The following DNM3 variants were observed in gnomAD, a reference collection of about 807,000 sequenced individuals.
DNM3 encodes the protein dynamin-3.
DNM3 carries 47 observed loss-of-function variants against 101.6 expected under a neutral mutation model. That is an observed-to-expected ratio of 0.46 (90% CI 0.37 to 0.59). DNM3 has a LOEUF of 0.59. Among genes scored for constraint, DNM3 ranks in the 20% least tolerant of loss-of-function variants. The pLI, the probability that DNM3 is intolerant of heterozygous loss-of-function variation, is 0.00. For synonymous variants in DNM3, 385 were observed against 387.9 expected (o/e 0.99, Z 0.09); for missense variants, 849 against 1,085.7 (o/e 0.78, Z 3.06).
intron 15 of DNM3, among the ~76,000 whole-genome samples, chr1:172,288,414 A>C (rs2063780386): frequency 1.3e-5 from 2 of 152,200 alleles, no homozygotes; most frequent in African/African-American, 4.8e-5. Flanking sequence ...GGCAAGAATC[A>C]GGGGCCAGAT....
intron 1 of DNM3, among the ~76,000 whole-genome samples, chr1:171,883,541 G>A (rs993328770): frequency 4.0e-5 from 6 of 151,022 alleles, no homozygotes; most frequent in African/African-American, 1.5e-4. Context: ...GCGCGATCTC[G>A]GCTCACTGCA....
chr1:172,084,264 T>C (rs2053370652), intron 12 of DNM3, among the ~76,000 whole-genome samples: 1 of 152,102 alleles, frequency 6.6e-6, no homozygotes, highest in South Asian at 2.1e-4. Context: ...AAAACTATGG[T>C]GTAGTCTATA....
chr1:171,942,578 T>C (rs545727139), intron 2 of DNM3, among the ~76,000 whole-genome samples: 192 of 152,260 alleles, frequency 1.3e-3, no homozygotes, highest in Non-Finnish European at 2.1e-3. Flanking sequence ...ACCAGACACA[T>C]ATTGAACGAA....
At chr1:172,252,343 A>G (rs1370891802) in intron 14 of DNM3, among the ~76,000 whole-genome samples, 2 of 152,130 alleles carry the variant, frequency 1.3e-5, no homozygotes, top group East Asian at 1.9e-4. Context: ...GATACTCCCT[A>G]CAATACAACA....
At chr1:172,365,939 A>T (rs1558048879) in intron 17 of DNM3, among the ~76,000 whole-genome samples, 1 of 151,994 alleles carries the variant, frequency 6.6e-6, no homozygotes, top group African/African-American at 2.4e-5. Flanking sequence ...ATACATTCAG[A>T]CATGCTAGTG....
chr1:172,311,674 A>T (rs1377665598), intron 16 of DNM3, among the ~76,000 whole-genome samples: 1 of 152,244 alleles, frequency 6.6e-6, no homozygotes, highest in Admixed American at 6.5e-5. Context: ...TCCATCTCCC[A>T]GTAAACTGGC....
chr1:172,048,962 A>G (rs902053115), intron 10 of DNM3, among the ~76,000 whole-genome samples: 3 of 152,184 alleles, frequency 2.0e-5, no homozygotes, highest in African/African-American at 4.8e-5. Context: ...TGGTTTAGAA[A>G]GAGTATATTT....
chr1:172,387,015 G>A, intron 18 of DNM3, 118 bp from the exon 19 acceptor site: 1 of 762,028 alleles, frequency 1.3e-6, no homozygotes, highest in Non-Finnish European at 2.2e-6. Flanking sequence ...TTTTCCCAGG[G>A]TGGACTTTGG....
intron 4 of DNM3, among the ~76,000 whole-genome samples, chr1:172,016,332 A>T (rs1016124235): frequency 1.2e-4 from 18 of 151,906 alleles, no homozygotes; most frequent in Middle Eastern, 3.2e-3. Flanking sequence ...AATTTTGTCA[A>T]TTTTTTCTGC....
intron 4 of DNM3, among the ~76,000 whole-genome samples, chr1:172,009,587 A>G (rs2046978132): frequency 1.3e-5 from 2 of 151,850 alleles, no homozygotes; most frequent in African/African-American, 4.8e-5. Flanking sequence ...ACATATGGTC[A>G]ATGTCTTGGA....
chr1:172,226,393 C>A (rs1573021367), intron 14 of DNM3, among the ~76,000 whole-genome samples: 1 of 152,266 alleles, frequency 6.6e-6, no homozygotes, highest in Non-Finnish European at 1.5e-5. Flanking sequence ...TTAACTATAA[C>A]TTATTTTTAA....
intron 12 of DNM3, among the ~76,000 whole-genome samples, chr1:172,084,444 A>G (rs1268111591): frequency 1.3e-5 from 2 of 152,106 alleles, no homozygotes; most frequent in Non-Finnish European, 2.9e-5. Context: ...TGCTAATATC[A>G]TTATCTCTAA....
At chr1:172,354,106 T>A (rs1482212336) in intron 17 of DNM3, among the ~76,000 whole-genome samples, 28 of 26,466 alleles carry the variant, frequency 1.1e-3, no homozygotes, top group African/African-American at 2.7e-3. Context: ...TGTGTGTGTG[T>A]GTGTGTGAGA....
chr1:172,041,780 A>G (rs1398369976), intron 7 of DNM3, among the ~76,000 whole-genome samples: 3 of 152,214 alleles, frequency 2.0e-5, no homozygotes, highest in African/African-American at 7.2e-5. Flanking sequence ...AGGCATTGAA[A>G]GACAACTATA....
intron 4 of DNM3, among the ~76,000 whole-genome samples, chr1:172,021,183 A>G (rs2047826414): frequency 6.6e-6 from 1 of 152,238 alleles, no homozygotes; most frequent in African/African-American, 2.4e-5. Context: ...TCATAAAGGA[A>G]GCCTTGGCTG....
At chr1:172,349,234 C>T (rs1431109135) in intron 17 of DNM3, among the ~76,000 whole-genome samples, 1 of 152,198 alleles carries the variant, frequency 6.6e-6, no homozygotes, top group African/African-American at 2.4e-5. Flanking sequence ...CTTGCTATTA[C>T]ACTTACTCGA....
At position 172,190,292 on chromosome 1, in the gene DNM3, T is replaced by C. The variant is rs139445464; in HGVS notation, c.1659+59004T>C. ...GTTTTCTGTCCTTGCGATAGTTTGCTCAGAATGATGGTATCCAGCTCCATC... is the reference window on the plus strand; with the variant it reads ...GTTTTCTGTCCTTGCGATAGTTTGCCCAGAATGATGGTATCCAGCTCCATC... On this transcript the variant is annotated intron_variant, in intron 14 of 20. Transcript: ENST00000627582. Among the ~76,000 whole-genome samples, 513 of 152,268 alleles carry C rather than the reference T, an allele frequency of 3.4e-3. 3 individuals are homozygous for C. Among genetic ancestry groups the C allele is most frequent in the African/African-American group, 0.011 (476 of 41,558 alleles).
At position 172,253,553 on chromosome 1, in the gene DNM3, C is replaced by A; in HGVS notation, c.1660-20C>A. ...TCCTCTCCTCTCCTCTCCCTCTTTTCTTTCTCTCTCTTATAATAGGAAAAA... is the reference window on the plus strand; with the variant it reads ...TCCTCTCCTCTCCTCTCCCTCTTTTATTTCTCTCTCTTATAATAGGAAAAA... On this transcript the variant is annotated intron_variant, in intron 14 of 20. Coordinates refer to ENST00000627582, the MANE Select transcript of DNM3 (RefSeq NM_015569.5). 1 of 1,421,228 alleles carries A rather than the reference C, an allele frequency of 7.0e-7. No individual in the cohort carries two copies. The highest frequency in any genetic ancestry group is 9.5e-7 in the Non-Finnish European group (1 of 1,054,264). 88.0% of individuals were successfully genotyped at this position (1,421,228 alleles called of 1,614,324 possible).
intron 17 of DNM3, among the ~76,000 whole-genome samples, chr1:172,359,205 G>A (rs2067611201): frequency 6.6e-6 from 1 of 151,588 alleles, no homozygotes; most frequent in African/African-American, 2.4e-5. Context: ...CTAAGTGATG[G>A]GAGCTGCTGG....
Sources: gnomAD v4.1 joint callset for allele counts (sites outside exome capture counted in the v4.1 genomes callset) on GRCh38, gnomAD v4.1.1 for gene constraint, MANE v1.5 for transcripts, NCBI Gene and HGNC (gene_info 2026-07-23, HGNC 2026-07-21) for gene names.